MAGI3: variants seen among roughly 807,000 people sequenced by gnomAD.
MAGI3 encodes the protein membrane-associated guanylate kinase, WW and PDZ domain-containing protein 3.
A neutral mutation model predicts 121.8 loss-of-function variants in MAGI3; 43 were observed. The ratio of observed to expected loss-of-function variants is 0.35; its 90% CI spans 0.28 to 0.46. MAGI3 has a LOEUF of 0.46. Ranked by LOEUF, MAGI3 falls within the 20% of genes least tolerant of loss-of-function variation. The pLI is 1.00. For missense variants in MAGI3, 1,547 were observed against 1,797.3 expected (o/e 0.86, Z 2.52); for synonymous variants, 553 against 639.3 (o/e 0.86, Z 2.04).
chr1:113,550,169 G>C (rs1372519150), intron 2 of MAGI3, among the ~76,000 whole-genome samples: 5 of 151,256 alleles, frequency 3.3e-5, no homozygotes, highest in Admixed American at 2.6e-4. Flanking sequence ...CCAGCACTTT[G>C]GGAGGCCGAG....
intron 14 of MAGI3, among the ~76,000 whole-genome samples, chr1:113,652,078 A>C (rs1020675438): frequency 7.2e-5 from 11 of 152,226 alleles, no homozygotes; most frequent in Non-Finnish European, 1.5e-4. Context: ...AACTGGTAAG[A>C]GGTAGGGCCT....
intron 1 of MAGI3, among the ~76,000 whole-genome samples, chr1:113,527,174 G>T (rs1338813419): frequency 6.6e-6 from 1 of 152,028 alleles, no homozygotes; most frequent in Non-Finnish European, 1.5e-5. Flanking sequence ...GAGAAAAAGA[G>T]CCAAGGCTAA....
At chr1:113,413,825 C>T (rs1652143004) in intron 1 of MAGI3, among the ~76,000 whole-genome samples, 1 of 152,136 alleles carries the variant, frequency 6.6e-6, no homozygotes, top group South Asian at 2.1e-4. Context: ...CATCTGCAAA[C>T]AGGGACAATT....
intron 17 of MAGI3, among the ~76,000 whole-genome samples, chr1:113,672,233 T>C (rs181397677): frequency 4.7e-4 from 71 of 152,350 alleles, no homozygotes; most frequent in Admixed American, 1.5e-3. Flanking sequence ...TCTTCTTTCA[T>C]TGAAAATATT....
At chr1:113,395,533 T>A (rs762258653) in intron 1 of MAGI3, among the ~76,000 whole-genome samples, 19 of 151,928 alleles carry the variant, frequency 1.3e-4, no homozygotes, top group Non-Finnish European at 2.7e-4. Context: ...TTGATGACTT[T>A]TATTATATCA....
chr1:113,556,552 ATT>A (rs569112647), intron 2 of MAGI3, among the ~76,000 whole-genome samples: 184 of 117,562 alleles, frequency 1.6e-3, no homozygotes, highest in African/African-American at 3.2e-3. Flanking sequence ...TATGATAAAG[ATT>A]TTTTTTTTTT....
intron 1 of MAGI3, among the ~76,000 whole-genome samples, chr1:113,439,352 C>T (rs1653799745): frequency 6.6e-6 from 1 of 152,168 alleles, no homozygotes; most frequent in South Asian, 2.1e-4. Context: ...TACTGTATTT[C>T]CAGATTTCTT....
At chr1:113,598,838 A>C (rs1049787775) in intron 6 of MAGI3, among the ~76,000 whole-genome samples, 1 of 152,206 alleles carries the variant, frequency 6.6e-6, no homozygotes, top group Non-Finnish European at 1.5e-5. Flanking sequence ...AGATATTTAC[A>C]GAACAATTCT....
chr1:113,539,536 T>A (rs999111795), intron 1 of MAGI3, among the ~76,000 whole-genome samples: 40 of 151,882 alleles, frequency 2.6e-4, no homozygotes, highest in African/African-American at 8.7e-4. Context: ...ACATTTTTTT[T>A]AATTAATTAA....
Position 113,399,731 on chromosome 1 carries a change from A to G in MAGI3, c.316+8382A>G, listed in dbSNP as rs113962177. Among the ~76,000 whole-genome samples the G allele has an allele frequency of 2.9e-3, 443 of 152,246 alleles. 1 individual carries two copies. Among genetic ancestry groups the G allele is most frequent in the African/African-American group, 0.01 (432 of 41,570 alleles). ...AATTAAATAAGATTCTCTAAAATCA[A>G]TGCTGTTGATTTTTAGGGAGATGGA... is the stretch of plus-strand genomic sequence containing the variant. On this transcript the variant is annotated intron_variant, in intron 1 of 20. Transcript: ENST00000307546.
At chr1:113,629,043 A>G (rs1407801829) in intron 9 of MAGI3, among the ~76,000 whole-genome samples, 2 of 152,062 alleles carry the variant, frequency 1.3e-5, no homozygotes, top group Non-Finnish European at 2.9e-5. Flanking sequence ...TTGGGCCAAT[A>G]ACTCTTAGAA....
At chr1:113,599,804 T>G (rs1035931786) in intron 6 of MAGI3, among the ~76,000 whole-genome samples, 1 of 151,682 alleles carries the variant, frequency 6.6e-6, no homozygotes, top group Non-Finnish European at 1.5e-5. Context: ...TTGATGAACA[T>G]TGATGCAAAA....
chr1:113,571,327 G>A (rs1192603303), intron 2 of MAGI3, among the ~76,000 whole-genome samples: 4 of 152,182 alleles, frequency 2.6e-5, no homozygotes, highest in African/African-American at 4.8e-5. Context: ...CAGGTGGTGT[G>A]ACGCCTCCAG....
chr1:113,653,001 G>C (rs1195368102), intron 14 of MAGI3, among the ~76,000 whole-genome samples: 7 of 152,184 alleles, frequency 4.6e-5, no homozygotes, highest in Non-Finnish European at 7.3e-5. Context: ...GGAGGTTGAA[G>C]GCTGAGAACT....
chr1:113,471,566 A>G (rs1655538937), intron 1 of MAGI3, among the ~76,000 whole-genome samples: 1 of 152,170 alleles, frequency 6.6e-6, no homozygotes, highest in Non-Finnish European at 1.5e-5. Context: ...TTTTTTTAAC[A>G]AGGAGAAGGA....
intron 4 of MAGI3, among the ~76,000 whole-genome samples, chr1:113,590,028 G>C (rs1648598587): frequency 6.6e-6 from 1 of 152,050 alleles, no homozygotes; most frequent in Non-Finnish European, 1.5e-5. Context: ...TATTGGCAGT[G>C]TAATTTTGAC....
chr1:113,409,966 C>T (rs1055060526), intron 1 of MAGI3, among the ~76,000 whole-genome samples: 7 of 152,124 alleles, frequency 4.6e-5, no homozygotes, highest in Non-Finnish European at 2.9e-5. Flanking sequence ...CGCCGTTAAA[C>T]GTATTCTGCC....
At chr1:113,657,255 G>T (rs1653526695) in intron 15 of MAGI3, among the ~76,000 whole-genome samples, 1 of 152,186 alleles carries the variant, frequency 6.6e-6, no homozygotes, top group Non-Finnish European at 1.5e-5. Flanking sequence ...ACTCTAAGGG[G>T]TTACCTTGAA....
intron 1 of MAGI3, among the ~76,000 whole-genome samples, chr1:113,482,167 C>G (rs969469202): frequency 6.6e-6 from 1 of 151,738 alleles, no homozygotes; most frequent in Non-Finnish European, 1.5e-5. Flanking sequence ...TAATTATTTC[C>G]TTAATTGTGA....
Sources: allele counts gnomAD v4.1 joint callset (sites outside exome capture counted in the v4.1 genomes callset), GRCh38; gene constraint gnomAD v4.1.1; transcripts MANE v1.5; gene names NCBI Gene and HGNC (gene_info 2026-07-23, HGNC 2026-07-21).